Variants in ROBO2 observed in about 807,000 individuals in gnomAD.
ROBO2 encodes the protein roundabout homolog 2.
Under a neutral mutation model 160.8 loss-of-function variants are expected in ROBO2, and 53 were observed. The observed-to-expected ratio is 0.33, with a 90% CI of 0.26 to 0.41. The LOEUF (loss-of-function observed/expected upper bound fraction) is 0.41. Among genes scored for constraint, ROBO2 ranks in the 10% least tolerant of loss-of-function variants. The pLI is 1.00. For synonymous variants in ROBO2, 664 were observed against 611.7 expected, an observed-to-expected ratio of 1.09 and a Z score of -1.26; for missense variants, 1,577 against 1,722.4, an observed-to-expected ratio of 0.92 and a Z score of 1.49.
chr3:77,177,476 G>T (rs1312061337), intron 2 of ROBO2, among the ~76,000 whole-genome samples: 16 of 151,854 alleles, frequency 1.1e-4, no homozygotes, highest in Non-Finnish European at 5.9e-5. Flanking sequence ...ACAATCTTGT[G>T]CATCCTCCTT....
chr3:76,102,426 C>T (rs1429418895), intron 2 of ROBO2, among the ~76,000 whole-genome samples: 3 of 152,060 alleles, frequency 2.0e-5, no homozygotes, highest in Non-Finnish European at 4.4e-5. Flanking sequence ...AAAAATAATA[C>T]CTGTACTTGA....
At chr3:76,916,232 C>T (rs927300738) in intron 2 of ROBO2, among the ~76,000 whole-genome samples, 1 of 152,198 alleles carries the variant, frequency 6.6e-6, no homozygotes, top group African/African-American at 2.4e-5. Flanking sequence ...ACATGAATAT[C>T]TGTACTCGAA....
At chr3:76,924,282 C>T (rs1235580479) in intron 2 of ROBO2, among the ~76,000 whole-genome samples, 1 of 152,076 alleles carries the variant, frequency 6.6e-6, no homozygotes, top group Non-Finnish European at 1.5e-5. Flanking sequence ...GGAGGCTGGG[C>T]CTCTGGAAGG....
At chr3:77,315,023 T>C (rs1159156346) in intron 2 of ROBO2, among the ~76,000 whole-genome samples, 1 of 152,106 alleles carries the variant, frequency 6.6e-6, no homozygotes, top group Non-Finnish European at 1.5e-5. Context: ...TGAATAATAA[T>C]AAAAATGAAA....
intron 2 of ROBO2, among the ~76,000 whole-genome samples, chr3:76,556,233 T>A (rs2108435255): frequency 6.6e-6 from 1 of 152,286 alleles, no homozygotes; most frequent in South Asian, 2.1e-4. Context: ...CTAAGCTGTA[T>A]ATATGTATTA....
At chr3:77,154,565 G>A (rs2077822114) in intron 2 of ROBO2, among the ~76,000 whole-genome samples, 1 of 152,028 alleles carries the variant, frequency 6.6e-6, no homozygotes, top group Non-Finnish European at 1.5e-5. Context: ...AAAGGCGCAT[G>A]CACTGGCAAG....
At chr3:77,646,872 C>T (rs2095416120) in exon 26 of ROBO2, 1 of 152,408 alleles carries the variant, frequency 6.6e-6, no homozygotes, top group Admixed American at 6.6e-5. Flanking sequence ...TCAATTTTAC[C>T]TGTCATTGTA....
intron 2 of ROBO2, chr3:76,435,577 T>G (rs2076635585): frequency 7.0e-6 from 4 of 575,326 alleles, no homozygotes; most frequent in Non-Finnish European, 1.2e-5. Flanking sequence ...CACTGAAATA[T>G]ACCTCAGGCT....
intron 2 of ROBO2, among the ~76,000 whole-genome samples, chr3:76,597,890 C>T (rs1051744169): frequency 3.3e-5 from 5 of 152,030 alleles, no homozygotes; most frequent in Non-Finnish European, 7.4e-5. Flanking sequence ...TTTTTTATGG[C>T]TTTGTAGTAT....
At chr3:77,076,089 A>G (rs1316290066) in intron 1 of ROBO2, among the ~76,000 whole-genome samples, 2 of 152,162 alleles carry the variant, frequency 1.3e-5, no homozygotes, top group Non-Finnish European at 2.9e-5. Context: ...GGAAAAACAC[A>G]AAGGAGATAT....
At chr3:76,924,076 C>T (rs189438355) in intron 2 of ROBO2, among the ~76,000 whole-genome samples, 29 of 152,064 alleles carry the variant, frequency 1.9e-4, no homozygotes, top group African/African-American at 5.1e-4. Flanking sequence ...AGAATTTGAG[C>T]GACAGTATGT....
intron 2 of ROBO2, among the ~76,000 whole-genome samples, chr3:76,177,449 G>A (rs1287134072): frequency 6.6e-6 from 1 of 152,140 alleles, no homozygotes; most frequent in East Asian, 1.9e-4. Flanking sequence ...AGTATGGGGA[G>A]CAATGTTGAT....
In ROBO2 at chr3:76,056,314, C is replaced by A. The variant is rs140321407; in HGVS notation, c.109+118712C>A. Reference sequence around the variant, plus strand: ...ACAGGTACCAAGGGATGACTGTATTCAGACTGAAACAAAATATTCTTAAAC... The same window carrying A: ...ACAGGTACCAAGGGATGACTGTATTAAGACTGAAACAAAATATTCTTAAAC... On this transcript the variant is annotated intron_variant, in intron 2 of 26. Transcript: ENST00000487694. 4.4e-3 allele frequency among the ~76,000 whole-genome samples: 663 copies of A among 152,198 alleles called. 8 individuals carry two copies. Among genetic ancestry groups the A allele is most frequent in the African/African-American group, 0.015 (632 of 41,540 alleles).
Position 76,726,977 on chromosome 3 carries a change from G to A in ROBO2, c.110-371037G>A, listed in dbSNP as rs141335405. Reference sequence around the variant, plus strand: ...CCTGAATTATTTATGACTGACACACGTAAAACTGGAACTGATGTTCCCAAT... The same window carrying A: ...CCTGAATTATTTATGACTGACACACATAAAACTGGAACTGATGTTCCCAAT... On this transcript the variant is annotated intron_variant, in intron 2 of 26. Transcript: ENST00000487694. Among the ~76,000 whole-genome samples, 684 of 152,210 alleles carry A rather than the reference G, an allele frequency of 4.5e-3. 5 individuals are homozygous for A. The highest frequency in any genetic ancestry group is 0.016 in the African/African-American group (653 of 41,530).
intron 2 of ROBO2, among the ~76,000 whole-genome samples, chr3:76,611,602 T>C (rs1232605392): frequency 6.6e-6 from 1 of 152,206 alleles, no homozygotes. Flanking sequence ...ATTTCTGTAG[T>C]ATCAGTTGTA....
chr3:76,686,354 C>T (rs1027919103), intron 2 of ROBO2, among the ~76,000 whole-genome samples: 11 of 152,112 alleles, frequency 7.2e-5, no homozygotes, highest in African/African-American at 2.6e-4. Flanking sequence ...AAGTAATCTT[C>T]CTGCCAAATC....
At chr3:76,361,728 A>G (rs1047867884) in intron 2 of ROBO2, among the ~76,000 whole-genome samples, 1 of 152,128 alleles carries the variant, frequency 6.6e-6, no homozygotes. Flanking sequence ...TAGTATCTTC[A>G]TAAGAAATTC....
chr3:76,773,194 T>C (rs1249024732), intron 2 of ROBO2, among the ~76,000 whole-genome samples: 1 of 151,046 alleles, frequency 6.6e-6, no homozygotes, highest in African/African-American at 2.4e-5. Context: ...CATGATTAAA[T>C]CTGTCATGAA....
intron 2 of ROBO2, among the ~76,000 whole-genome samples, chr3:76,647,508 A>C (rs1395840085): frequency 6.6e-6 from 1 of 152,208 alleles, no homozygotes; most frequent in African/African-American, 2.4e-5. Flanking sequence ...CAAAAGTAAA[A>C]GAAAGAAAAA....
Sources: gnomAD v4.1 joint callset for allele counts (sites outside exome capture counted in the v4.1 genomes callset) on GRCh38, gnomAD v4.1.1 for gene constraint, MANE v1.5 for transcripts, NCBI Gene and HGNC (gene_info 2026-07-23, HGNC 2026-07-21) for gene names.